TMEM178B: variants seen among roughly 807,000 people sequenced by gnomAD.
TMEM178B encodes transmembrane protein 178B.
Under a neutral mutation model 31.0 loss-of-function variants are expected in TMEM178B, and 5 were observed. That is an observed-to-expected ratio of 0.16 (90% CI 0.08 to 0.34). The LOEUF is 0.34. Ranked by LOEUF, TMEM178B falls within the 10% of genes least tolerant of loss-of-function variation. TMEM178B has a pLI of 1.00. For missense variants in TMEM178B, 275 were observed against 400.3 expected (o/e 0.69, Z 2.67); for synonymous variants, 164 against 164.0 (o/e 1.00, Z 0.00).
the TMEM178B span, among the ~76,000 whole-genome samples, chr7:141,493,234 T>C: frequency 6.6e-6 from 1 of 152,200 alleles, no homozygotes; most frequent in East Asian, 1.9e-4. Context: ...AGAAGCAGAC[T>C]CTTGGCCTGT....
intron 2 of TMEM178B, among the ~76,000 whole-genome samples, chr7:141,281,483 G>A (rs928176286): frequency 1.3e-5 from 2 of 152,106 alleles, no homozygotes; most frequent in South Asian, 2.1e-4. Flanking sequence ...AACGTGCGTT[G>A]TCTGTCTGGC....
At chr7:141,402,448 C>T (rs1800801962) in intron 2 of TMEM178B, among the ~76,000 whole-genome samples, 1 of 152,182 alleles carries the variant, frequency 6.6e-6, no homozygotes, top group Admixed American at 6.5e-5. Context: ...TTTCACCTGC[C>T]ATGTGGGAGC....
chr7:141,401,587 TTA>T (rs922628707), intron 2 of TMEM178B, among the ~76,000 whole-genome samples: 37 of 151,058 alleles, frequency 2.4e-4, no homozygotes, highest in African/African-American at 8.9e-4. Flanking sequence ...AGCTATTTTT[TTA>T]TTTTTTTATT....
chr7:141,288,056 A>G (rs556163549), intron 2 of TMEM178B, among the ~76,000 whole-genome samples: 2 of 152,280 alleles, frequency 1.3e-5, no homozygotes, highest in African/African-American at 4.8e-5. Context: ...CCCTGCTGAC[A>G]GATGCCCTGA....
At chr7:141,151,783 G>T (rs1795976670) in intron 1 of TMEM178B, among the ~76,000 whole-genome samples, 1 of 152,152 alleles carries the variant, frequency 6.6e-6, no homozygotes, top group Non-Finnish European at 1.5e-5. Context: ...CTAGGACATT[G>T]TCTCATTGTA....
rs1475256360 is a variant in TMEM178B, at chr7:141,467,861, G to A, written c.635-2675G>A. On this transcript the variant is annotated intron_variant, in intron 3 of 3. Coordinates refer to ENST00000565468, the MANE Select transcript of TMEM178B (RefSeq NM_001195278.2). ...AGTGAAATTACTAGGACGAAGGTAT[G>A]AGTATTTTAAAAATCACCTTTCTGC... Among the ~76,000 whole-genome samples, 6 of 151,578 alleles carry A rather than the reference G, an allele frequency of 4.0e-5. No homozygotes were observed. In the South Asian group the frequency reaches 1.0e-3, roughly 26 times the overall value.
At chr7:141,439,427 T>C (rs1481218050) in intron 3 of TMEM178B, among the ~76,000 whole-genome samples, 1 of 151,846 alleles carries the variant, frequency 6.6e-6, no homozygotes, top group Non-Finnish European at 1.5e-5. Context: ...AGACAGAGGC[T>C]GACAAAACCA....
intron 2 of TMEM178B, among the ~76,000 whole-genome samples, chr7:141,363,346 TC>T (rs1799949718): frequency 6.6e-6 from 1 of 152,214 alleles, no homozygotes; most frequent in African/African-American, 2.4e-5. Flanking sequence ...ATTGCACATA[TC>T]TTTTGGGTGT....
chr7:141,203,083 G>C (rs1796904835), intron 1 of TMEM178B, among the ~76,000 whole-genome samples: 1 of 152,202 alleles, frequency 6.6e-6, no homozygotes, highest in African/African-American at 2.4e-5. Context: ...TAATGCGAAT[G>C]CATCTGATAA....
intron 3 of TMEM178B, among the ~76,000 whole-genome samples, chr7:141,462,470 T>C (rs939147835): frequency 1.5e-4 from 23 of 151,210 alleles, no homozygotes; most frequent in Non-Finnish European, 2.9e-4. Context: ...GGACGTGTGA[T>C]GTGGGGAGAG....
At position 141,380,589 on chromosome 7, in the gene TMEM178B, A is replaced by G. The variant is rs549527074; in HGVS notation, c.497-57019A>G. Among the ~76,000 whole-genome samples the G allele has an allele frequency of 2.4e-4, 35 of 146,288 alleles. No individual in the cohort carries two copies. The East Asian group carries it at 4.0e-3, about 17-fold the overall frequency. ...TCCAGTAGTTTGATTAAACTTGGGG[A>G]AAAAAGAATTCTATGTCCTTTTTAA... On this transcript the variant is annotated intron_variant, in intron 2 of 3. Coordinates refer to ENST00000565468, the MANE Select transcript of TMEM178B (RefSeq NM_001195278.2).
chr7:141,118,293 G>C (rs559427082), intron 1 of TMEM178B, among the ~76,000 whole-genome samples: 2 of 152,274 alleles, frequency 1.3e-5, no homozygotes, highest in South Asian at 4.1e-4. Flanking sequence ...CTTGGAATCA[G>C]GGCCCACAGG....
intron 2 of TMEM178B, among the ~76,000 whole-genome samples, chr7:141,223,479 CT>C (rs10680431): frequency 0.028 from 3,735 of 131,090 alleles, 75 homozygotes; most frequent in African/African-American, 0.074. Context: ...TGTTTTCACT[CT>C]TTTTTTTTTT....
At chr7:141,291,160 C>T (rs1798539945) in intron 2 of TMEM178B, among the ~76,000 whole-genome samples, 1 of 152,144 alleles carries the variant, frequency 6.6e-6, no homozygotes, top group African/African-American at 2.4e-5. Context: ...TCGGAGAATG[C>T]TTTGCCATCT....
chr7:141,367,906 C>T (rs906893510), intron 2 of TMEM178B, among the ~76,000 whole-genome samples: 2 of 152,008 alleles, frequency 1.3e-5, no homozygotes, highest in South Asian at 2.1e-4. Context: ...GACCTTGGAG[C>T]GTCTGAAGCT....
chr7:141,499,198 A>G, the TMEM178B span, among the ~76,000 whole-genome samples: 112 of 152,334 alleles, frequency 7.4e-4, no homozygotes, highest in African/African-American at 2.5e-3. Context: ...CTTTGTGGAT[A>G]AGATGGTAAA....
intron 1 of TMEM178B, among the ~76,000 whole-genome samples, chr7:141,151,581 C>T (rs1795973949): frequency 6.6e-6 from 1 of 152,118 alleles, no homozygotes; most frequent in African/African-American, 2.4e-5. Context: ...CCTGACTGGG[C>T]TGGCAATTAG....
At chr7:141,351,699 CTACTT>C (rs1280811782) in intron 2 of TMEM178B, among the ~76,000 whole-genome samples, 3 of 152,184 alleles carry the variant, frequency 2.0e-5, no homozygotes, top group Admixed American at 6.5e-5. Context: ...ATCTGAATGT[CTACTT>C]TACTTTATCT....
At chr7:141,216,448 TGCGCGC>T (rs143135337) in intron 2 of TMEM178B, among the ~76,000 whole-genome samples, 14,098 of 135,564 alleles carry the variant, frequency 0.1, 1,459 homozygotes, top group Middle Eastern at 0.16. Flanking sequence ...TGTGTGTGTG[TGCGCGC>T]GCGCGCGCGT....
Sources: gnomAD v4.1 joint callset for allele counts (sites outside exome capture counted in the v4.1 genomes callset) on GRCh38, gnomAD v4.1.1 for gene constraint, MANE v1.5 for transcripts, NCBI Gene and HGNC (gene_info 2026-07-23, HGNC 2026-07-21) for gene names.